Variants in AGAP1 observed in about 807,000 individuals in gnomAD.
The protein encoded by AGAP1 is arf-GAP with GTPase, ANK repeat and PH domain-containing protein 1.
In AGAP1, 29 loss-of-function variants were observed where a neutral mutation model predicts 105.3. The ratio of observed to expected loss-of-function variants is 0.28; its 90% CI spans 0.21 to 0.38. AGAP1 has a LOEUF of 0.38. Ranked by LOEUF, AGAP1 falls within the 10% of genes least tolerant of loss-of-function variation. The probability of loss-of-function intolerance (pLI) is 1.00; values close to 1 mark genes in which losing one functional copy is unlikely to be tolerated. For missense variants in AGAP1, 998 were observed against 1,165.1 expected (o/e 0.86, Z 2.09); for synonymous variants, 509 against 485.9 (o/e 1.05, Z -0.63).
rs919454424 is a variant in AGAP1 at position 236,090,053 on chromosome 2, T to A, written c.2115-30139T>A. 2.6e-5 allele frequency among the ~76,000 whole-genome samples: 4 copies of A among 152,016 alleles called. No individual in the cohort carries two copies. The highest frequency in any genetic ancestry group is 5.9e-5 in the Non-Finnish European group (4 of 67,996). On this transcript the variant is annotated intron_variant, in intron 16 of 17. Coordinates refer to ENST00000304032, the MANE Select transcript of AGAP1 (RefSeq NM_001037131.3). This position sits in a 1 kb window ranked among gnomAD's most constrained non-coding sequence, Gnocchi z 4.3. The stretch of plus-strand genomic sequence containing the variant: ...TACAGAAGTTTTGAGGTGAGTGGAG[T>A]TGCAGGGAGGAGCACGTGTTTACCA...
In AGAP1 at chr2:235,620,777, A is replaced by T. The variant is rs375122370; in HGVS notation, c.164-88402A>T. Reference sequence around the variant, plus strand: ...CTAGCCAATGCTAGGCCCTTTGTCGATGTTCGTTAGGCATGCAGGTGAACA... The same window carrying T: ...CTAGCCAATGCTAGGCCCTTTGTCGTTGTTCGTTAGGCATGCAGGTGAACA... On this transcript the variant is annotated intron_variant, in intron 1 of 17. Transcript: ENST00000304032. This position sits in a 1 kb window ranked among gnomAD's most constrained non-coding sequence, Gnocchi z 4.5. Among the ~76,000 whole-genome samples, 1 of 152,198 alleles carries T rather than the reference A, an allele frequency of 6.6e-6. No homozygotes were observed. The highest frequency in any genetic ancestry group is 1.9e-4 in the East Asian group (1 of 5,182).
At position 235,709,168 on chromosome 2, in the gene AGAP1, C is replaced by T; in HGVS notation, c.164-11C>T. 6.2e-7 allele frequency: 1 copy of T among 1,613,918 alleles called. No individual in the cohort carries two copies. ...TTATGGTGTCTGACTTTGTGTCCTCCTCTTTTTCAGATGCCTTCGTGAACA... is the reference window on the plus strand; with the variant it reads ...TTATGGTGTCTGACTTTGTGTCCTCTTCTTTTTCAGATGCCTTCGTGAACA... On this transcript the variant is annotated splice_polypyrimidine_tract_variant and intron_variant, in intron 1 of 17. Coordinates refer to ENST00000304032, the MANE Select transcript of AGAP1 (RefSeq NM_001037131.3).
rs1294815092 is a variant in AGAP1 at position 235,691,684 on chromosome 2, G to A, written c.164-17495G>A. Among the ~76,000 whole-genome samples, 1 of 152,222 alleles carries A rather than the reference G, an allele frequency of 6.6e-6. No individual in the cohort carries two copies. Among genetic ancestry groups the A allele is most frequent in the African/African-American group, 2.4e-5 (1 of 41,452 alleles). On this transcript the variant is annotated intron_variant, in intron 1 of 17. Coordinates refer to ENST00000304032, the MANE Select transcript of AGAP1 (RefSeq NM_001037131.3). This position sits in a 1 kb window ranked among gnomAD's most constrained non-coding sequence, Gnocchi z 4.4. ...TTGGGCTTATGCACATCTGCAGAAG[G>A]CTGCAAGCTGGGGAACTGAGGGGCC... is the stretch of plus-strand genomic sequence containing the variant.
intron 1 of AGAP1, among the ~76,000 whole-genome samples, chr2:235,571,977 C>T (rs1232692801): frequency 1.3e-5 from 1 of 76,302 alleles, no homozygotes; most frequent in African/African-American, 6.8e-5. Flanking sequence ...TATATGTATA[C>T]ACACACACAC....
intron 12 of AGAP1, among the ~76,000 whole-genome samples, chr2:235,947,221 G>A (rs576704515): frequency 2.6e-5 from 4 of 151,976 alleles, no homozygotes; most frequent in East Asian, 1.9e-4. Context: ...TTTATCCCTC[G>A]CCACCGCCCA....
At chr2:235,975,137 C>A (rs2054804589) in intron 13 of AGAP1, among the ~76,000 whole-genome samples, 1 of 152,138 alleles carries the variant, frequency 6.6e-6, no homozygotes, top group Non-Finnish European at 1.5e-5. Flanking sequence ...TTAAATGTTG[C>A]CTACTTACAA....
In AGAP1 at chr2:235,951,112, A is replaced by C. The variant is rs575767705; in HGVS notation, c.1484-17350A>C. ...AAATATCATTAATTCTGGAGGTTGC[A>C]CTCTGAATGATTTCTTATTTTGTGG... On this transcript the variant is annotated intron_variant, in intron 12 of 17. Transcript: ENST00000304032. This position sits in a 1 kb window ranked among gnomAD's most constrained non-coding sequence, Gnocchi z 4.2. 6.6e-6 allele frequency among the ~76,000 whole-genome samples: 1 copy of C among 152,128 alleles called. No homozygotes were observed. The highest frequency in any genetic ancestry group is 2.1e-4 in the South Asian group (1 of 4,820).
Position 235,819,268 on chromosome 2 carries a change from G to A in AGAP1, c.1050+11937G>A, listed in dbSNP as rs1043859562. ...AGTTGGGACTACAAGCACACACCACGATACCTGGCTAATTTTTTGTATTTT... is the reference window on the plus strand; with the variant it reads ...AGTTGGGACTACAAGCACACACCACAATACCTGGCTAATTTTTTGTATTTT... On this transcript the variant is annotated intron_variant, in intron 9 of 17. Coordinates refer to ENST00000304032, the MANE Select transcript of AGAP1 (RefSeq NM_001037131.3). Among the ~76,000 whole-genome samples the A allele has an allele frequency of 1.8e-4, 27 of 151,760 alleles. 1 individual carries two copies. Among genetic ancestry groups the A allele is most frequent in the African/African-American group, 6.1e-4 (25 of 41,304 alleles).
intron 16 of AGAP1, among the ~76,000 whole-genome samples, chr2:236,071,692 G>C (rs564490563): frequency 6.6e-6 from 1 of 152,348 alleles, no homozygotes; most frequent in South Asian, 2.1e-4. Flanking sequence ...GTCTGAAAGA[G>C]CTGAATTAAA....
chr2:235,702,750 A>G (rs1950315573), intron 1 of AGAP1, among the ~76,000 whole-genome samples: 1 of 152,054 alleles, frequency 6.6e-6, no homozygotes, highest in African/African-American at 2.4e-5. Flanking sequence ...AGCGAGTACA[A>G]GTAGCACATG....
intron 16 of AGAP1, among the ~76,000 whole-genome samples, chr2:236,079,915 A>G (rs369441793): frequency 2.6e-5 from 4 of 152,360 alleles, no homozygotes; most frequent in South Asian, 4.1e-4. Flanking sequence ...TTGGCCTTCC[A>G]GTTTCACGGA....
chr2:235,856,612 G>C (rs774992353), intron 9 of AGAP1, among the ~76,000 whole-genome samples: 107 of 152,376 alleles, frequency 7.0e-4, no homozygotes, highest in Non-Finnish European at 1.3e-3. Context: ...GTCCAGTACT[G>C]AACCAGTTCC....
At position 235,750,988 on chromosome 2, in the gene AGAP1, TGAG is replaced by T. The variant is rs1451843190; in HGVS notation, c.673+503_673+505del. On this transcript the variant is annotated intron_variant, in intron 6 of 17. Transcript: ENST00000304032. The surrounding 1 kb of genome is among the most constrained non-coding windows in gnomAD (Gnocchi z 5.3). ...ACACGATACCACTCACAGCAGAGGG[TGAG>T]GACCAGCCTTTTGGAATTGTTTTTA... 6.6e-6 allele frequency among the ~76,000 whole-genome samples: 1 copy of T among 152,034 alleles called. No homozygotes were observed. The highest frequency in any genetic ancestry group is 1.5e-5 in the Non-Finnish European group (1 of 68,002).
chr2:235,932,386 C>T (rs974684964), intron 12 of AGAP1, among the ~76,000 whole-genome samples: 7 of 152,224 alleles, frequency 4.6e-5, no homozygotes, highest in African/African-American at 1.7e-4. Context: ...ATCATGGTTC[C>T]TTTAGGAGGA....
In AGAP1 at chr2:235,982,964, T is replaced by G. The variant is rs1262295961; in HGVS notation, c.1645+14341T>G. On this transcript the variant is annotated intron_variant, in intron 13 of 17. Transcript: ENST00000304032. This position sits in a 1 kb window ranked among gnomAD's most constrained non-coding sequence, Gnocchi z 4.9. ...TATAGGCCAAATCCAGTTCTTATTT[T>G]AATTTTTTTTCCCAACCCCTAAAAA... Among the ~76,000 whole-genome samples, 1 of 152,214 alleles carries G rather than the reference T, an allele frequency of 6.6e-6. No individual in the cohort carries two copies. The highest frequency in any genetic ancestry group is 1.9e-4 in the East Asian group (1 of 5,200).
rs2125185811 is a variant in AGAP1 at position 235,936,553 on chromosome 2, G to C, written c.1483+5630G>C. Among the ~76,000 whole-genome samples the C allele has an allele frequency of 6.6e-6, 1 of 152,312 alleles. No individual in the cohort carries two copies. Among genetic ancestry groups the C allele is most frequent in the East Asian group, 1.9e-4 (1 of 5,192 alleles). ...ACTTACTTTCGGAGCCAATGCATTT[G>C]AACCACACTTTCCAGCAAGCATGTC... is the stretch of plus-strand genomic sequence containing the variant. On this transcript the variant is annotated intron_variant, in intron 12 of 17. Transcript: ENST00000304032. The surrounding 1 kb of genome is among the most constrained non-coding windows in gnomAD (Gnocchi z 4.7).
At chr2:235,808,061 GGA>G (rs1957936214) in intron 9 of AGAP1, among the ~76,000 whole-genome samples, 1 of 151,958 alleles carries the variant, frequency 6.6e-6, no homozygotes, top group Non-Finnish European at 1.5e-5. Context: ...AAAAAACCCT[GGA>G]GTCCACGTGT....
chr2:235,553,383 A>G lies in AGAP1; in HGVS notation c.163+58534A>G, dbSNP rs1943875054. On this transcript the variant is annotated intron_variant, in intron 1 of 17. Transcript: ENST00000304032. This position sits in a 1 kb window ranked among gnomAD's most constrained non-coding sequence, Gnocchi z 4.5. ...ACGATGTTCCTGTGAATTTTTAATA[A>G]AACATAGTTGTTTACATACTTCTCC... 6.6e-6 allele frequency among the ~76,000 whole-genome samples: 1 copy of G among 152,060 alleles called. No individual in the cohort carries two copies. The highest frequency in any genetic ancestry group is 1.5e-5 in the Non-Finnish European group (1 of 68,020).
intron 16 of AGAP1, among the ~76,000 whole-genome samples, chr2:236,110,207 C>T (rs2059608596): frequency 6.6e-6 from 1 of 152,132 alleles, no homozygotes; most frequent in Non-Finnish European, 1.5e-5. Flanking sequence ...GTAAAAGGTT[C>T]AGCCTGGGCT....
Sources: allele counts gnomAD v4.1 joint callset (sites outside exome capture counted in the v4.1 genomes callset), GRCh38; gene constraint gnomAD v4.1.1; non-coding constraint Gnocchi (gnomAD v3.1); transcripts MANE v1.5; gene names NCBI Gene and HGNC (gene_info 2026-07-23, HGNC 2026-07-21).